The following PCSK5 variants were observed in gnomAD, a reference collection of about 807,000 sequenced individuals.
The protein encoded by PCSK5 is proprotein convertase subtilisin/kexin type 5.
In PCSK5, 129 loss-of-function variants were observed where a neutral mutation model predicts 233.2. The observed-to-expected ratio is 0.55, with a 90% CI of 0.48 to 0.64. The LOEUF (loss-of-function observed/expected upper bound fraction) is 0.64. Ranked by LOEUF, PCSK5 falls within the 30% of genes least tolerant of loss-of-function variation. PCSK5 has a pLI of 0.00. For synonymous variants in PCSK5, 825 were observed against 879.2 expected (o/e 0.94, Z 1.09); for missense variants, 2,076 against 2,430.1 (o/e 0.85, Z 3.06).
intron 10 of PCSK5, among the ~76,000 whole-genome samples, chr9:76,144,875 C>T (rs1385130928): frequency 6.6e-6 from 1 of 152,164 alleles, no homozygotes; most frequent in Non-Finnish European, 1.5e-5. Context: ...TGCCTCTAAT[C>T]CCAGCACTTT....
intron 8 of PCSK5, 132 bp from the exon 9 acceptor site, chr9:76,107,119 C>T (rs1168869743): frequency 1.2e-5 from 7 of 563,508 alleles, no homozygotes; most frequent in East Asian, 8.7e-5. Flanking sequence ...GATTTACAGG[C>T]GTGTAGGAAC....
At chr9:76,161,015 C>T (rs2131822587) in intron 12 of PCSK5, among the ~76,000 whole-genome samples, 1 of 152,328 alleles carries the variant, frequency 6.6e-6, no homozygotes, top group Non-Finnish European at 1.5e-5. Flanking sequence ...CTCAAGTGAT[C>T]CTCTTGCCTT....
At position 76,218,709 on chromosome 9, in the gene PCSK5, G is replaced by C. The variant is rs1825626208; in HGVS notation, c.2627-8794G>C. ...CCACATTTACAGAAGAGGAATGTCCGGGAAATATGTGATTTGATTAATTTC... is the reference window on the plus strand; with the variant it reads ...CCACATTTACAGAAGAGGAATGTCCCGGAAATATGTGATTTGATTAATTTC... On this transcript the variant is annotated intron_variant, in intron 20 of 37. Transcript: ENST00000674117. Among the ~76,000 whole-genome samples the C allele has an allele frequency of 2.0e-5, 3 of 152,114 alleles. No individual in the cohort carries two copies. The South Asian group carries it at 6.2e-4, about 32-fold the overall frequency.
intron 30 of PCSK5, among the ~76,000 whole-genome samples, chr9:76,315,936 T>TG (rs1196931399): frequency 1.8e-4 from 27 of 149,988 alleles, no homozygotes; most frequent in Middle Eastern, 3.2e-3. Context: ...GGGTTTTTTT[T>TG]TTTTTTTTTT....
chr9:76,319,348 G>C (rs201230506), intron 30 of PCSK5, among the ~76,000 whole-genome samples: 320 of 136,000 alleles, frequency 2.4e-3, no homozygotes, highest in African/African-American at 4.2e-3. Context: ...AAAATAGTTA[G>C]AATAAGAATA....
intron 17 of PCSK5, among the ~76,000 whole-genome samples, chr9:76,187,221 T>TAA (rs1034614309): frequency 6.6e-6 from 1 of 152,204 alleles, no homozygotes; most frequent in African/African-American, 2.4e-5. Context: ...TGGAGCAGTA[T>TAA]AAAGAGTTTA....
chr9:76,108,512 T>C (rs1213957916), intron 9 of PCSK5, among the ~76,000 whole-genome samples: 1 of 152,140 alleles, frequency 6.6e-6, no homozygotes. Context: ...CCCAGCACTT[T>C]GGGAGGCCAA....
At chr9:76,313,031 G>A (rs1467975447) in intron 30 of PCSK5, among the ~76,000 whole-genome samples, 1 of 152,118 alleles carries the variant, frequency 6.6e-6, no homozygotes. Context: ...CAACGTCCAG[G>A]TATTGTGCTA....
intron 8 of PCSK5, among the ~76,000 whole-genome samples, chr9:76,104,278 AATTTCC>A (rs1831887238): frequency 6.6e-6 from 1 of 152,068 alleles, no homozygotes; most frequent in South Asian, 2.1e-4. Flanking sequence ...ACCCAGCTGG[AATTTCC>A]ATTTCAAGCA....
chr9:76,057,301 GA>G (rs1302913999), intron 5 of PCSK5, among the ~76,000 whole-genome samples: 6 of 152,140 alleles, frequency 3.9e-5, no homozygotes, highest in African/African-American at 1.4e-4. Flanking sequence ...AACAGGTCAT[GA>G]TGATGTCTAT....
chr9:76,085,452 G>A (rs959374301), intron 7 of PCSK5, among the ~76,000 whole-genome samples: 6 of 152,208 alleles, frequency 3.9e-5, no homozygotes, highest in Admixed American at 6.5e-5. Flanking sequence ...CAGAGCTATC[G>A]TGAAGGCTGA....
chr9:76,072,248 A>G (rs1830505935), intron 7 of PCSK5, among the ~76,000 whole-genome samples: 1 of 152,234 alleles, frequency 6.6e-6, no homozygotes, highest in Non-Finnish European at 1.5e-5. Context: ...TAGCGTGAAT[A>G]CATTGCATAG....
chr9:75,919,008 T>C (rs1276228479), intron 1 of PCSK5, among the ~76,000 whole-genome samples: 2 of 152,242 alleles, frequency 1.3e-5, no homozygotes, highest in Non-Finnish European at 2.9e-5. Context: ...TGAAATTCAC[T>C]GTACAGTTCT....
At chr9:76,188,447 G>A (rs893648573) in intron 17 of PCSK5, 131 bp from the exon 18 acceptor site, 5 of 616,766 alleles carry the variant, frequency 8.1e-6, no homozygotes, top group South Asian at 4.3e-5. Context: ...CTATTTCCCC[G>A]GCTTTGAAGC....
intron 32 of PCSK5, among the ~76,000 whole-genome samples, chr9:76,325,218 G>A (rs1829325847): frequency 6.6e-6 from 1 of 152,150 alleles, no homozygotes; most frequent in African/African-American, 2.4e-5. Flanking sequence ...TCAGCAGCAG[G>A]CCTCCAGCGC....
At chr9:76,349,625 G>A (rs1303289063) in intron 35 of PCSK5, among the ~76,000 whole-genome samples, 2 of 152,264 alleles carry the variant, frequency 1.3e-5, no homozygotes, top group South Asian at 4.1e-4. Flanking sequence ...CAGATCCATC[G>A]TTCTATTTCA....
chr9:76,015,099 G>A (rs1196079597), intron 3 of PCSK5, among the ~76,000 whole-genome samples: 2 of 152,190 alleles, frequency 1.3e-5, no homozygotes, highest in Non-Finnish European at 2.9e-5. Context: ...AGCCCAGAAG[G>A]CTGGAGAACC....
chr9:76,035,550 C>T (rs1215596162), intron 5 of PCSK5, among the ~76,000 whole-genome samples: 1 of 152,082 alleles, frequency 6.6e-6, no homozygotes. Context: ...GTAATTTGTG[C>T]TAACTTGGTG....
At chr9:75,906,611 G>C (rs889594528) in intron 1 of PCSK5, among the ~76,000 whole-genome samples, 9 of 152,146 alleles carry the variant, frequency 5.9e-5, no homozygotes, top group East Asian at 3.9e-4. Context: ...AAATGCAAAG[G>C]CCTCTGAGGA....
Sources: allele counts gnomAD v4.1 joint callset (sites outside exome capture counted in the v4.1 genomes callset), GRCh38; gene constraint gnomAD v4.1.1; transcripts MANE v1.5; gene names NCBI Gene and HGNC (gene_info 2026-07-23, HGNC 2026-07-21).